The following EFCAB6 variants were observed in gnomAD, a reference collection of about 807,000 sequenced individuals.
EFCAB6 encodes EF-hand calcium-binding domain-containing protein 6.
Under a neutral mutation model 169.8 loss-of-function variants are expected in EFCAB6, and 156 were observed. The ratio of observed to expected loss-of-function variants is 0.92; its 90% CI spans 0.81 to 1.05. The LOEUF (loss-of-function observed/expected upper bound fraction) is 1.05, where lower values mean the gene tolerates loss of function less well. Ranked by LOEUF, EFCAB6 falls within the 50% of genes least tolerant of loss-of-function variation. EFCAB6 has a pLI of 0.00. For missense variants in EFCAB6, 1,800 were observed against 1,829.1 expected (o/e 0.98, Z 0.29); for synonymous variants, 698 against 676.4 (o/e 1.03, Z -0.50).
In EFCAB6 at chr22:43,810,322, C is replaced by T. The variant is rs2063070077; in HGVS notation, c.-144-1191G>A. Among the ~76,000 whole-genome samples the T allele has an allele frequency of 3.3e-5, 5 of 152,134 alleles. No homozygotes were observed. The South Asian group carries it at 1.0e-3, about 31-fold the overall frequency. On this transcript the variant is annotated intron_variant, in intron 1 of 31. Transcript: ENST00000262726. ...TGTAGTAGAAATAGAAGTAGTAAAACTGTGGACAAATAGATGGAAAGAAAA... is the reference window on the plus strand; with the variant it reads ...TGTAGTAGAAATAGAAGTAGTAAAATTGTGGACAAATAGATGGAAAGAAAA...
chr22:43,567,423 T>A (rs1452857730), intron 26 of EFCAB6, among the ~76,000 whole-genome samples: 1 of 152,168 alleles, frequency 6.6e-6, no homozygotes, highest in Non-Finnish European at 1.5e-5. Context: ...AATCACATCA[T>A]TACTGAACAT....
At chr22:43,548,038 G>C (rs2048164082) in intron 27 of EFCAB6, among the ~76,000 whole-genome samples, 1 of 152,108 alleles carries the variant, frequency 6.6e-6, no homozygotes, top group Non-Finnish European at 1.5e-5. Flanking sequence ...GGAACTTTCA[G>C]TGAGCCAAGA....
At chr22:43,698,338 G>T (rs2147246511) in intron 10 of EFCAB6, among the ~76,000 whole-genome samples, 1 of 152,320 alleles carries the variant, frequency 6.6e-6, no homozygotes, top group South Asian at 2.1e-4. Context: ...TTCAAGATTT[G>T]TGGGGATTTG....
chr22:43,573,614 C>A (rs950395544), intron 26 of EFCAB6, among the ~76,000 whole-genome samples: 1 of 151,970 alleles, frequency 6.6e-6, no homozygotes, highest in Non-Finnish European at 1.5e-5. Context: ...ACCTGTAATC[C>A]CAGCTACTCG....
intron 17 of EFCAB6, among the ~76,000 whole-genome samples, chr22:43,635,779 A>G (rs2055346762): frequency 6.6e-6 from 1 of 152,132 alleles, no homozygotes; most frequent in South Asian, 2.1e-4. Flanking sequence ...CTCCAAACAC[A>G]TGACCTACTG....
At chr22:43,536,255 C>G (rs952582155) in intron 29 of EFCAB6, 1 of 151,872 alleles carries the variant, frequency 6.6e-6, no homozygotes, top group Non-Finnish European at 1.5e-5. Context: ...TTCAGCAAAA[C>G]GTTACATTAA....
intron 1 of EFCAB6, among the ~76,000 whole-genome samples, chr22:43,810,967 A>C (rs1270204823): frequency 2.0e-5 from 3 of 152,156 alleles, no homozygotes; most frequent in African/African-American, 7.2e-5. Context: ...CATGAACTGT[A>C]GTGTATGAAA....
At chr22:43,600,779 T>A (rs2052456981) in intron 22 of EFCAB6, among the ~76,000 whole-genome samples, 1 of 152,158 alleles carries the variant, frequency 6.6e-6, no homozygotes, top group African/African-American at 2.4e-5. Context: ...TTCTCCTGCC[T>A]CAGCCTCCCG....
At chr22:43,563,419 T>C (rs1405669630) in intron 26 of EFCAB6, among the ~76,000 whole-genome samples, 1 of 152,056 alleles carries the variant, frequency 6.6e-6, no homozygotes, top group East Asian at 1.9e-4. Context: ...AATACAAAAA[T>C]TAGCTGGGCA....
chr22:43,748,366 T>C (rs1428393411), intron 6 of EFCAB6, among the ~76,000 whole-genome samples: 4 of 152,206 alleles, frequency 2.6e-5, no homozygotes, highest in Non-Finnish European at 5.9e-5. Flanking sequence ...CTCTACAGAA[T>C]AGCCGCAGGG....
rs574851023 is a variant in EFCAB6, at chr22:43,724,398, C to T, written c.757+7301G>A. Among the ~76,000 whole-genome samples the T allele has an allele frequency of 5.0e-5, 7 of 140,730 alleles. No individual in the cohort carries two copies. In the East Asian group the frequency reaches 6.2e-4, roughly 13 times the overall value. The allele number at this position is 140,730 out of a possible 152,430, so 92.3% of individuals were successfully genotyped here. A position where few individuals can be genotyped will look rare whatever the true frequency, so the allele number is the denominator to read the frequency against. On this transcript the variant is annotated intron_variant, in intron 8 of 31. Transcript: ENST00000262726. ...TTTTTTTTTTTTTGAGAAGGAGTCT[C>T]GCTCTGTCTCCCAGGCTGGAATGCA...
intron 2 of EFCAB6, among the ~76,000 whole-genome samples, chr22:43,798,331 A>C (rs1341768784): frequency 6.6e-6 from 1 of 152,002 alleles, no homozygotes; most frequent in Non-Finnish European, 1.5e-5. Flanking sequence ...CAGCCTGGGC[A>C]ATAGAGCGAG....
intron 10 of EFCAB6, among the ~76,000 whole-genome samples, chr22:43,697,426 G>A (rs543499485): frequency 2.0e-5 from 3 of 152,140 alleles, no homozygotes; most frequent in South Asian, 2.1e-4. Context: ...GTACATACAC[G>A]CACAAAAGAA....
intron 10 of EFCAB6, among the ~76,000 whole-genome samples, chr22:43,693,250 G>A (rs1603232385): frequency 6.6e-6 from 1 of 151,986 alleles, no homozygotes; most frequent in East Asian, 1.9e-4. Flanking sequence ...ACTACCTGGA[G>A]CCATGTGATC....
chr22:43,652,148 C>A (rs1452357410), intron 17 of EFCAB6, among the ~76,000 whole-genome samples: 1 of 152,120 alleles, frequency 6.6e-6, no homozygotes, highest in Non-Finnish European at 1.5e-5. Context: ...GTGTCCCCAC[C>A]CAAATCTCAT....
chr22:43,648,350 A>G (rs946906144), intron 17 of EFCAB6, among the ~76,000 whole-genome samples: 1 of 152,190 alleles, frequency 6.6e-6, no homozygotes, highest in Non-Finnish European at 1.5e-5. Context: ...AATGTGGTAC[A>G]TGCACACCGT....
chr22:43,580,243 C>G lies in EFCAB6; in HGVS notation c.3228+221G>C, dbSNP rs982545763. 5.9e-5 allele frequency among the ~76,000 whole-genome samples: 9 copies of G among 152,122 alleles called. No homozygotes were observed. The East Asian group carries it at 1.5e-3, about 26-fold the overall frequency. On this transcript the variant is annotated intron_variant, in intron 25 of 31. Transcript: ENST00000262726. ...TTGCCCAGAGCCCCATGTCCTCACC[C>G]CAGACTCAGCATTTCTAAATGCTGA... is the stretch of plus-strand genomic sequence containing the variant.
chr22:43,570,612 CTT>C (rs34079137), intron 26 of EFCAB6, among the ~76,000 whole-genome samples: 1 of 146,922 alleles, frequency 6.8e-6, no homozygotes. Flanking sequence ...TAGGTGTTCT[CTT>C]TTTTTTTTTT....
chr22:43,742,739 G>A (rs901362001), intron 6 of EFCAB6, among the ~76,000 whole-genome samples: 1 of 152,222 alleles, frequency 6.6e-6, no homozygotes, highest in South Asian at 2.1e-4. Flanking sequence ...AGGGCCATAT[G>A]CTAGCCCTGT....
Sources: allele counts gnomAD v4.1 joint callset (sites outside exome capture counted in the v4.1 genomes callset), GRCh38; gene constraint gnomAD v4.1.1; transcripts MANE v1.5; gene names NCBI Gene and HGNC (gene_info 2026-07-23, HGNC 2026-07-21).